DENND2B: variants seen among roughly 807,000 people sequenced by gnomAD.
DENND2B encodes the protein DENN domain-containing protein 2B.
DENND2B carries 32 observed loss-of-function variants against 116.0 expected under a neutral mutation model. The ratio of observed to expected loss-of-function variants is 0.28; its 90% CI spans 0.21 to 0.37. The LOEUF is 0.37. Among genes scored for constraint, DENND2B ranks in the 10% least tolerant of loss-of-function variants. The pLI, the probability that DENND2B is intolerant of heterozygous loss-of-function variation, is 1.00. For missense variants in DENND2B, 1,276 were observed against 1,477.7 expected (o/e 0.86, Z 2.24); for synonymous variants, 588 against 583.9 (o/e 1.01, Z -0.10).
At chr11:8,889,217 T>C (rs917756906) in intron 1 of DENND2B, among the ~76,000 whole-genome samples, 2 of 152,250 alleles carry the variant, frequency 1.3e-5, no homozygotes, top group African/African-American at 2.4e-5. Flanking sequence ...AAATGTGGTA[T>C]GTGCATACAA....
At chr11:8,832,747 G>A (rs2062267200) in intron 4 of DENND2B, among the ~76,000 whole-genome samples, 2 of 152,244 alleles carry the variant, frequency 1.3e-5, no homozygotes, top group Admixed American at 1.3e-4. Flanking sequence ...CTGACTGGGA[G>A]GCACTGGGTT....
At chr11:8,863,658 T>C (rs1465994593) in intron 2 of DENND2B, among the ~76,000 whole-genome samples, 1 of 152,178 alleles carries the variant, frequency 6.6e-6, no homozygotes, top group Non-Finnish European at 1.5e-5. Context: ...CTGATATTGC[T>C]GATTAACTGG....
At chr11:8,743,501 G>T (rs1382830357) in intron 2 of DENND2B, among the ~76,000 whole-genome samples, 2 of 151,500 alleles carry the variant, frequency 1.3e-5, no homozygotes, top group East Asian at 3.9e-4. Flanking sequence ...AGTGAGCCGA[G>T]ATCACACCAC....
chr11:8,699,172 C>T (rs796155592), intron 15 of DENND2B, 41 bp downstream of exon 15: 1 of 1,531,748 alleles, frequency 6.5e-7, no homozygotes. Flanking sequence ...ACCTGCTTCC[C>T]CCTCCACCCT....
intron 1 of DENND2B, among the ~76,000 whole-genome samples, chr11:8,760,483 T>G (rs543719556): frequency 6.6e-6 from 1 of 152,192 alleles, no homozygotes; most frequent in Non-Finnish European, 1.5e-5. Flanking sequence ...AGGAGGTTGG[T>G]GATGCACACC....
intron 11 of DENND2B, among the ~76,000 whole-genome samples, chr11:8,709,398 C>T (rs2043197496): frequency 6.6e-6 from 1 of 152,162 alleles, no homozygotes; most frequent in Non-Finnish European, 1.5e-5. Flanking sequence ...TCTGAGCACG[C>T]CAGGACAAAC....
chr11:8,721,633 G>C (rs1449803425), intron 4 of DENND2B, among the ~76,000 whole-genome samples: 1 of 152,190 alleles, frequency 6.6e-6, no homozygotes, highest in African/African-American at 2.4e-5. Context: ...GCCTCTAAGG[G>C]GCTGGCTGTT....
At chr11:8,749,311 T>G (rs557923310) in intron 2 of DENND2B, among the ~76,000 whole-genome samples, 7 of 152,264 alleles carry the variant, frequency 4.6e-5, no homozygotes, top group African/African-American at 1.7e-4. Context: ...CCAGCCTCAC[T>G]CAGTACAGGG....
intron 4 of DENND2B, among the ~76,000 whole-genome samples, chr11:8,835,074 A>G (rs544000160): frequency 6.6e-6 from 1 of 151,968 alleles, no homozygotes; most frequent in Non-Finnish European, 1.5e-5. Context: ...GGCAAAACCT[A>G]TCTCTACAAA....
chr11:8,789,702 T>C (rs1192847926), intron 1 of DENND2B, among the ~76,000 whole-genome samples: 2 of 152,090 alleles, frequency 1.3e-5, no homozygotes, highest in East Asian at 3.8e-4. Context: ...GAAAAGTGAA[T>C]TCATGTTAAG....
rs777808666 is a variant in DENND2B, at chr11:8,707,057, C to T, written c.2571+28G>A. 96 of 1,600,426 alleles carry T rather than the reference C, an allele frequency of 6.0e-5. No individual in the cohort carries two copies. Among genetic ancestry groups the T allele is most frequent in the Non-Finnish European group, 7.6e-5 (89 of 1,171,506 alleles). ...CCTCCTGCCACCCCAGCCCGTAGCCCGAGAGAAGAGGGTGCAGAAATCCCT... is the reference window on the plus strand; with the variant it reads ...CCTCCTGCCACCCCAGCCCGTAGCCTGAGAGAAGAGGGTGCAGAAATCCCT... On this transcript the variant is annotated intron_variant, in intron 13 of 19. Transcript: ENST00000313726. This position sits in a 1 kb window ranked among gnomAD's most constrained non-coding sequence, Gnocchi z 4.8.
intron 1 of DENND2B, among the ~76,000 whole-genome samples, chr11:8,901,218 T>TCTTTC (rs1472704051): frequency 2.0e-5 from 1 of 50,312 alleles, no homozygotes; most frequent in Middle Eastern, 7.1e-3. Flanking sequence ...TTCTTTCTTT[T>TCTTTC]CTTTTCTTTT....
intron 1 of DENND2B, chr11:8,784,434 A>G (rs1487466576): frequency 6.6e-6 from 1 of 152,042 alleles, no homozygotes; most frequent in East Asian, 1.9e-4. Context: ...AACAAAAAAA[A>G]AAAAAAAGGG....
intron 1 of DENND2B, among the ~76,000 whole-genome samples, chr11:8,894,237 A>C (rs2064071034): frequency 6.6e-6 from 1 of 152,240 alleles, no homozygotes; most frequent in African/African-American, 2.4e-5. Flanking sequence ...CACCTTATAC[A>C]AAAATTAATT....
At chr11:8,717,949 TCA>T in intron 4 of DENND2B, 57 bp from the exon 5 acceptor site, 25 of 1,568,262 alleles carry the variant, frequency 1.6e-5, no homozygotes, top group Non-Finnish European at 1.7e-5. Context: ...ACACACGAAC[TCA>T]CACACACACA....
rs562328279 is a variant in DENND2B at position 8,878,918 on chromosome 11, T to C, written c.-156+2092A>G. 3.3e-5 allele frequency among the ~76,000 whole-genome samples: 5 copies of C among 152,242 alleles called. No homozygotes were observed. In the East Asian group the frequency reaches 9.7e-4, roughly 29 times the overall value. On this transcript the variant is annotated intron_variant, in intron 2 of 22. Transcript: ENST00000534127. ...ATGGGAGGTAACTGCTTAGTGGGTA[T>C]GGGAGCTCCTTGAGAGTGGTGAAAA... is the stretch of plus-strand genomic sequence containing the variant.
At position 8,887,109 on chromosome 11, in the gene DENND2B, G is replaced by A. The variant is rs570096116; in HGVS notation, c.-255-6000C>T. On this transcript the variant is annotated intron_variant, in intron 1 of 22. Transcript: ENST00000534127. ...TCCCAAAGTGCTGGGATTACAGCAC[G>A]GTGAGCCACCACGCCCGGCCTGTGA... 5.3e-5 allele frequency among the ~76,000 whole-genome samples: 8 copies of A among 152,122 alleles called. No individual in the cohort carries two copies. In the East Asian group the frequency reaches 1.4e-3, roughly 26 times the overall value.
chr11:8,865,477 T>C (rs1262823747), intron 2 of DENND2B, among the ~76,000 whole-genome samples: 1 of 152,080 alleles, frequency 6.6e-6, no homozygotes, highest in African/African-American at 2.4e-5. Flanking sequence ...AAGAGAGACT[T>C]GTTAAGGAAA....
At chr11:8,771,135 T>C (rs1229317892) in intron 1 of DENND2B, among the ~76,000 whole-genome samples, 1 of 152,192 alleles carries the variant, frequency 6.6e-6, no homozygotes. Context: ...TCAAATGAAA[T>C]GTGCAAGAGC....
Sources: allele counts gnomAD v4.1 joint callset (sites outside exome capture counted in the v4.1 genomes callset), GRCh38; gene constraint gnomAD v4.1.1; non-coding constraint Gnocchi (gnomAD v3.1); transcripts MANE v1.5; gene names NCBI Gene and HGNC (gene_info 2026-07-23, HGNC 2026-07-21).